The following AGPS variants were observed in gnomAD, a reference collection of about 807,000 sequenced individuals.
AGPS encodes alkyldihydroxyacetonephosphate synthase, peroxisomal.
A neutral mutation model predicts 90.7 loss-of-function variants in AGPS; 26 were observed. That is an observed-to-expected ratio of 0.29 (90% CI 0.21 to 0.40). AGPS has a LOEUF of 0.40. AGPS is among the 10% of genes least tolerant of loss of function. The probability of loss-of-function intolerance (pLI) is 1.00; values close to 1 mark genes in which losing one functional copy is unlikely to be tolerated. For synonymous variants in AGPS, 294 were observed against 285.3 expected (o/e 1.03, Z -0.31); for missense variants, 540 against 816.1 (o/e 0.66, Z 4.12).
intron 14 of AGPS, among the ~76,000 whole-genome samples, chr2:177,501,395 G>A (rs4564808): frequency 3.9e-5 from 6 of 152,050 alleles, no homozygotes; most frequent in African/African-American, 1.4e-4. Context: ...GAATGGGGTA[G>A]GATGATGACA....
rs774373023 is a variant in AGPS at position 177,434,402 on chromosome 2, T to C, written c.426T>C (p.His142=). 14 of 1,611,820 alleles carry C rather than the reference T, an allele frequency of 8.7e-6. No individual in the cohort carries two copies. The highest frequency in any genetic ancestry group is 1.2e-5 in the Non-Finnish European group (14 of 1,178,462). Residue 142 remains histidine, a synonymous_variant, in exon 3 of 20, where the codon CAT becomes CAC. Coordinates refer to ENST00000264167, the MANE Select transcript of AGPS (RefSeq NM_003659.4). ...IQNTLGVNVE[H]KTTSKASLNP... ...ATACCCTTGGAGTAAATGTGGAGCATAAAACTACCTCTAAAGTAAGCAAAC... is the reference window on the plus strand; with the variant it reads ...ATACCCTTGGAGTAAATGTGGAGCACAAAACTACCTCTAAAGTAAGCAAAC...
At chr2:177,447,480 A>T (rs1686812655) in intron 8 of AGPS, among the ~76,000 whole-genome samples, 3 of 152,198 alleles carry the variant, frequency 2.0e-5, no homozygotes, top group East Asian at 3.9e-4. Flanking sequence ...GTATTCCATT[A>T]TGCTTAAATG....
At chr2:177,535,960 A>G (rs1166977459) in intron 19 of AGPS, among the ~76,000 whole-genome samples, 1 of 152,042 alleles carries the variant, frequency 6.6e-6, no homozygotes, top group Non-Finnish European at 1.5e-5. Context: ...TGATTATTGT[A>G]AAAGTATAAA....
intron 1 of AGPS, among the ~76,000 whole-genome samples, chr2:177,403,066 GAAAA>G (rs1353862094): frequency 6.6e-6 from 1 of 151,718 alleles, no homozygotes; most frequent in Non-Finnish European, 1.5e-5. Flanking sequence ...CAAAAAAGGA[GAAAA>G]AAGAAAAAAA....
intron 8 of AGPS, among the ~76,000 whole-genome samples, chr2:177,459,015 A>G (rs1272155973): frequency 6.6e-6 from 1 of 152,148 alleles, no homozygotes; most frequent in East Asian, 1.9e-4. Context: ...CTCAGAAATA[A>G]CACCACACAT....
rs202162408 is a variant in AGPS at position 177,436,721 on chromosome 2, C to T, written c.442-43C>T. The stretch of plus-strand genomic sequence containing the variant: ...CTCTCTAACTGAAGTACCCAAAATT[C>T]GTTGTCTAAAAATAAGTCAAAGAAA... On this transcript the variant is annotated intron_variant, in intron 3 of 19. Transcript: ENST00000264167. The T allele has an allele frequency of 1.5e-3, 2,407 of 1,592,906 alleles. 2 individuals are homozygous for T. Among genetic ancestry groups the T allele is most frequent in the Admixed American group, 3.9e-3 (232 of 59,812 alleles).
chr2:177,517,847 T>C (rs1328050694), intron 17 of AGPS, among the ~76,000 whole-genome samples: 4 of 152,224 alleles, frequency 2.6e-5, no homozygotes, highest in African/African-American at 9.6e-5. Flanking sequence ...CCTACTGATA[T>C]CTTTATCTTT....
chr2:177,487,863 T>C (rs1688140516), intron 11 of AGPS, among the ~76,000 whole-genome samples: 1 of 152,176 alleles, frequency 6.6e-6, no homozygotes, highest in Non-Finnish European at 1.5e-5. Flanking sequence ...ACTGAAAAAC[T>C]ATAAAGTTAT....
rs757468563 is a variant in AGPS, at chr2:177,499,699, A to C, written c.1444A>C (p.Lys482Gln). 8 of 1,612,408 alleles carry C rather than the reference A, an allele frequency of 5.0e-6. No homozygotes were observed. Among genetic ancestry groups the C allele is most frequent in the Non-Finnish European group, 6.8e-6 (8 of 1,178,814 alleles). ...GDREKVLQHE[K>Q]QVYDIAAKFG... ...TCGTGAGAAGGTTCTTCAACATGAA[A>C]AACAAGTGTATGATATTGCTGCAAA... is the stretch of plus-strand genomic sequence containing the variant. The change falls in exon 14 of 20, where the codon AAA (lysine) becomes CAA (glutamine). Residue 482 changes from lysine (K) to glutamine (Q), a missense_variant. By Grantham distance (53) the Lys-to-Gln change is moderately conservative. Around this residue, in one of 2 missense-constraint regions of AGPS, gnomAD observed 405 missense variants for 692.1 expected, o/e 0.59. Transcript: ENST00000264167.
At position 177,493,209 on chromosome 2, in the gene AGPS, G is replaced by C; in HGVS notation, c.1285+10G>C. 6.2e-7 allele frequency: 1 copy of C among 1,606,572 alleles called. No homozygotes were observed. Among genetic ancestry groups the C allele is most frequent in the Non-Finnish European group, 8.5e-7 (1 of 1,173,356 alleles). On this transcript the variant is annotated intron_variant, in intron 12 of 19. Transcript: ENST00000264167. ...AAGCAGTTTCAGTTTGGTAAGTAAG[G>C]AGTGGTAATTTTAAAATGTCATTTA...
chr2:177,464,332 A>G (rs760912535), intron 9 of AGPS, among the ~76,000 whole-genome samples: 38 of 152,092 alleles, frequency 2.5e-4, no homozygotes, highest in Non-Finnish European at 4.6e-4. Flanking sequence ...TTTTATGACA[A>G]TTTTTCTAAA....
At chr2:177,406,774 C>T (rs1343837600) in intron 1 of AGPS, among the ~76,000 whole-genome samples, 1 of 152,212 alleles carries the variant, frequency 6.6e-6, no homozygotes, top group African/African-American at 2.4e-5. Flanking sequence ...ATTTGGCATT[C>T]AAGGCTTTCA....
intron 1 of AGPS, among the ~76,000 whole-genome samples, chr2:177,397,782 ACT>A (rs1379323565): frequency 6.6e-6 from 1 of 152,208 alleles, no homozygotes; most frequent in Non-Finnish European, 1.5e-5. Context: ...TAATCCCAGC[ACT>A]TTGGGAGGCC....
chr2:177,512,098 C>G (rs1473167415), intron 16 of AGPS, among the ~76,000 whole-genome samples: 1 of 151,752 alleles, frequency 6.6e-6, no homozygotes, highest in Non-Finnish European at 1.5e-5. Context: ...AGAACTTGTT[C>G]CAAAGAAAAG....
At chr2:177,493,684 C>G (rs1688334364) in intron 12 of AGPS, among the ~76,000 whole-genome samples, 1 of 152,040 alleles carries the variant, frequency 6.6e-6, no homozygotes, top group African/African-American at 2.4e-5. Flanking sequence ...GTTGGGTGGG[C>G]TAGGGCTTTG....
At chr2:177,431,248 A>AG (rs1183994657) in intron 2 of AGPS, among the ~76,000 whole-genome samples, 5 of 152,086 alleles carry the variant, frequency 3.3e-5, no homozygotes, top group African/African-American at 1.2e-4. Context: ...TCAAAAGGGG[A>AG]GGGGGTGTAC....
In AGPS at chr2:177,477,180, T is replaced by C. The variant is rs74947816; in HGVS notation, c.1106-4879T>C. 4.2e-3 allele frequency among the ~76,000 whole-genome samples: 632 copies of C among 152,124 alleles called. 6 individuals are homozygous for C. Among genetic ancestry groups the C allele is most frequent in the East Asian group, 0.033 (169 of 5,188 alleles). ...GGTCGGATTTATGTCTGCCTTATTT[T>C]CCCCCCCTCTGTGGGTCTCATGTCT... On this transcript the variant is annotated intron_variant, in intron 10 of 19. Coordinates refer to ENST00000264167, the MANE Select transcript of AGPS (RefSeq NM_003659.4).
At chr2:177,537,923 TG>T in intron 19 of AGPS, 150 bp from the exon 20 acceptor site, 3 of 1,061,936 alleles carry the variant, frequency 2.8e-6, no homozygotes, top group Non-Finnish European at 4.2e-6. Flanking sequence ...CTTGATAGTC[TG>T]GTGGGCTCAA....
chr2:177,408,226 T>C (rs142279541), intron 1 of AGPS, among the ~76,000 whole-genome samples: 1 of 152,362 alleles, frequency 6.6e-6, no homozygotes, highest in Non-Finnish European at 1.5e-5. Context: ...ATTCTTGTGC[T>C]ATTTCTGGTT....
Sources: gnomAD v4.1 joint callset for allele counts (sites outside exome capture counted in the v4.1 genomes callset) on GRCh38, gnomAD v4.1.1 for gene constraint, gnomAD v4.1.1 regional missense constraint, MANE v1.5 for transcripts, NCBI Gene and HGNC (gene_info 2026-07-23, HGNC 2026-07-21) for gene names.